The following OPCML variants were observed in gnomAD, a reference collection of about 807,000 sequenced individuals.
OPCML encodes opioid binding protein/cell adhesion molecule like.
A neutral mutation model predicts 37.8 loss-of-function variants in OPCML; 13 were observed. The observed-to-expected ratio is 0.34, with a 90% CI of 0.22 to 0.55. The LOEUF (loss-of-function observed/expected upper bound fraction) is 0.55, where lower values mean the gene tolerates loss of function less well. OPCML is among the 20% of genes least tolerant of loss of function. OPCML has a pLI of 0.91. For missense variants in OPCML, 341 were observed against 435.6 expected, an observed-to-expected ratio of 0.78 and a Z score of 1.93; for synonymous variants, 176 against 168.8, an observed-to-expected ratio of 1.04 and a Z score of -0.33.
At chr11:132,578,895 T>C (rs1400620540) in intron 3 of OPCML, among the ~76,000 whole-genome samples, 1 of 152,146 alleles carries the variant, frequency 6.6e-6, no homozygotes, top group Non-Finnish European at 1.5e-5. Flanking sequence ...TTTTACCCTC[T>C]GGAGATCACT....
Position 133,532,363 on chromosome 11 carries a change from T to C in OPCML, c.-39A>G, listed in dbSNP as rs1161108725. 1 of 1,603,798 alleles carries C rather than the reference T, an allele frequency of 6.2e-7. No homozygotes were observed. The highest frequency in any genetic ancestry group is 8.5e-7 in the Non-Finnish European group (1 of 1,174,458). ...TGCTCTCAGCTGCCGGGCTTGCTAC[T>C]GCTTCTGCTGCTGCTACCGCTGCTG... is the stretch of plus-strand genomic sequence containing the variant. On this transcript the variant is annotated 5_prime_UTR_variant, in exon 1 of 8. Transcript: ENST00000524381.
intron 1 of OPCML, among the ~76,000 whole-genome samples, chr11:132,958,470 G>A (rs765516749): frequency 1.3e-5 from 2 of 152,234 alleles, no homozygotes; most frequent in Non-Finnish European, 2.9e-5. Context: ...GATCATTGAT[G>A]AAGGTGGCTA....
chr11:132,546,577 G>T (rs968017240), intron 3 of OPCML, among the ~76,000 whole-genome samples: 1 of 152,108 alleles, frequency 6.6e-6, no homozygotes, highest in East Asian at 1.9e-4. Context: ...GTCAATTAAA[G>T]TTCATTTACT....
chr11:132,481,466 A>C (rs2096180131), intron 4 of OPCML, among the ~76,000 whole-genome samples: 1 of 150,484 alleles, frequency 6.6e-6, no homozygotes, highest in South Asian at 2.1e-4. Flanking sequence ...ACACATTAAT[A>C]ATGGGAGACT....
At chr11:132,927,949 T>A (rs546784799) in intron 2 of OPCML, among the ~76,000 whole-genome samples, 1 of 151,728 alleles carries the variant, frequency 6.6e-6, no homozygotes, top group Non-Finnish European at 1.5e-5. Flanking sequence ...GGATATAGCA[T>A]AAAGAAAATA....
chr11:133,351,832 C>A (rs1944146178), intron 1 of OPCML, among the ~76,000 whole-genome samples: 1 of 152,068 alleles, frequency 6.6e-6, no homozygotes, highest in South Asian at 2.1e-4. Flanking sequence ...ACACAAACAA[C>A]TTTCAACCTT....
At chr11:133,307,414 C>T (rs930939811) in intron 1 of OPCML, among the ~76,000 whole-genome samples, 1 of 152,136 alleles carries the variant, frequency 6.6e-6, no homozygotes, top group African/African-American at 2.4e-5. Context: ...TATTATGTTA[C>T]AAAATATGTT....
At chr11:133,045,168 C>T (rs575175643) in intron 1 of OPCML, among the ~76,000 whole-genome samples, 10 of 152,144 alleles carry the variant, frequency 6.6e-5, no homozygotes, top group Non-Finnish European at 1.0e-4. Flanking sequence ...CTGGGGTTCC[C>T]GAAGCAATTC....
intron 3 of OPCML, among the ~76,000 whole-genome samples, chr11:132,606,188 C>T (rs966444375): frequency 1.3e-5 from 2 of 152,140 alleles, no homozygotes; most frequent in African/African-American, 4.8e-5. Flanking sequence ...ATTTATTCAT[C>T]TACTTTTATG....
intron 1 of OPCML, among the ~76,000 whole-genome samples, chr11:133,168,892 G>A (rs1236032914): frequency 6.6e-6 from 1 of 152,030 alleles, no homozygotes; most frequent in Non-Finnish European, 1.5e-5. Flanking sequence ...ACTTTGGGAG[G>A]CCAAGGCAGG....
intron 1 of OPCML, among the ~76,000 whole-genome samples, chr11:133,014,052 CATTCTT>C (rs1264948232): frequency 6.6e-6 from 1 of 152,192 alleles, no homozygotes; most frequent in East Asian, 1.9e-4. Context: ...GACAACTTTA[CATTCTT>C]ATCTACTGGA....
At chr11:133,005,605 C>G (rs1947094607) in intron 1 of OPCML, 1 of 984,902 alleles carries the variant, frequency 1.0e-6, no homozygotes, top group Non-Finnish European at 1.2e-6. Context: ...AGATGTTTTC[C>G]TAACCTTCAC....
chr11:133,216,790 A>G (rs888034336), intron 1 of OPCML, among the ~76,000 whole-genome samples: 1 of 151,792 alleles, frequency 6.6e-6, no homozygotes, highest in Non-Finnish European at 1.5e-5. Context: ...ATGAACAAAT[A>G]TATACTCAAA....
chr11:132,947,315 AAT>A (rs1945766095), intron 1 of OPCML, among the ~76,000 whole-genome samples: 2 of 152,212 alleles, frequency 1.3e-5, no homozygotes, highest in Non-Finnish European at 2.9e-5. Context: ...AACAATATAT[AAT>A]AAGTCTTGCT....
At chr11:133,191,502 T>TC (rs765833398) in intron 1 of OPCML, among the ~76,000 whole-genome samples, 6 of 119,184 alleles carry the variant, frequency 5.0e-5, no homozygotes, top group African/African-American at 1.9e-4. Context: ...TCTGTGTGTG[T>TC]GGGTGTGTGT....
At chr11:133,511,047 G>A (rs74915554) in intron 1 of OPCML, among the ~76,000 whole-genome samples, 3 of 152,256 alleles carry the variant, frequency 2.0e-5, no homozygotes, top group East Asian at 1.9e-4. Flanking sequence ...ACTCCATTGC[G>A]ATTGGTGTCA....
chr11:133,439,309 A>T (rs1429856764), intron 1 of OPCML: 174 of 949,912 alleles, frequency 1.8e-4, no homozygotes, highest in African/African-American at 3.2e-4. Flanking sequence ...TTTTTTTTTT[A>T]AAGCCAACCT....
chr11:133,409,068 A>G (rs1281635175), intron 1 of OPCML, among the ~76,000 whole-genome samples: 1 of 152,196 alleles, frequency 6.6e-6, no homozygotes, highest in Non-Finnish European at 1.5e-5. Context: ...AGCAAAGAAC[A>G]GGCAGCTGTG....
intron 1 of OPCML, among the ~76,000 whole-genome samples, chr11:133,168,925 TCAAAAC>T (rs72350888): frequency 0.2 from 30,025 of 151,890 alleles, 3,168 homozygotes; most frequent in East Asian, 0.3. Flanking sequence ...GGTCAGGAGT[TCAAAAC>T]CAGCCTGACC....
Sources: allele counts gnomAD v4.1 joint callset (sites outside exome capture counted in the v4.1 genomes callset), GRCh38; gene constraint gnomAD v4.1.1; transcripts MANE v1.5; gene names NCBI Gene and HGNC (gene_info 2026-07-23, HGNC 2026-07-21).